The following NRXN1 variants were observed in gnomAD, a reference collection of about 807,000 sequenced individuals.
NRXN1 encodes the protein neurexin 1.
Under a neutral mutation model 150.9 loss-of-function variants are expected in NRXN1, and 39 were observed. The observed-to-expected ratio is 0.26, with a 90% confidence interval of 0.20 to 0.34. The LOEUF (loss-of-function observed/expected upper bound fraction) is 0.34. NRXN1 is among the 10% of genes least tolerant of loss of function. The pLI, the probability that NRXN1 is intolerant of heterozygous loss-of-function variation, is 1.00. For missense variants in NRXN1, 1,815 were observed against 1,949.9 expected, an observed-to-expected ratio of 0.93 and a Z score of 1.30; for synonymous variants, 924 against 757.0, an observed-to-expected ratio of 1.22 and a Z score of -3.62.
At chr2:49,943,173 G>A (rs1020892934) in intron 22 of NRXN1, among the ~76,000 whole-genome samples, 3 of 152,114 alleles carry the variant, frequency 2.0e-5, no homozygotes, top group Non-Finnish European at 4.4e-5. Context: ...GGGAAACATG[G>A]CAAGACTCAA....
intron 17 of NRXN1, among the ~76,000 whole-genome samples, chr2:50,371,917 A>G (rs1332653127): frequency 6.6e-6 from 1 of 152,044 alleles, no homozygotes; most frequent in African/African-American, 2.4e-5. Context: ...TTGATAACCA[A>G]CCACCTCTCA....
chr2:50,339,075 A>G (rs147486098), intron 17 of NRXN1, among the ~76,000 whole-genome samples: 1,627 of 152,268 alleles, frequency 0.011, 26 homozygotes, highest in African/African-American at 0.037. Flanking sequence ...TACATGTACC[A>G]TCGTTAGTCC....
At chr2:50,887,621 T>C (rs926006123) in intron 5 of NRXN1, among the ~76,000 whole-genome samples, 1 of 151,492 alleles carries the variant, frequency 6.6e-6, no homozygotes, top group African/African-American at 2.4e-5. Flanking sequence ...TGAGTCAAAA[T>C]GATGAGGCTG....
At chr2:50,689,059 G>C (rs1691677268) in intron 5 of NRXN1, among the ~76,000 whole-genome samples, 1 of 152,156 alleles carries the variant, frequency 6.6e-6, no homozygotes, top group African/African-American at 2.4e-5. Context: ...CTGGGAGCAT[G>C]AGTCAGGGGA....
intron 5 of NRXN1, among the ~76,000 whole-genome samples, chr2:50,666,491 C>CA (rs1400594220): frequency 3.3e-5 from 5 of 151,880 alleles, no homozygotes; most frequent in Admixed American, 6.6e-5. Context: ...GAGAACCTCA[C>CA]AAATTATTTT....
rs1382144458 is a variant in NRXN1 at position 51,003,865 on chromosome 2, T to G, written c.772+23637A>C. ...TGAAGTTTCAGCTTGTGAATAAAGTTGCCCTGGCTGATACTGATTATTTTC... is the reference window on the plus strand; with the variant it reads ...TGAAGTTTCAGCTTGTGAATAAAGTGGCCCTGGCTGATACTGATTATTTTC... On this transcript the variant is annotated intron_variant, in intron 2 of 22. Transcript: ENST00000401669. Among the ~76,000 whole-genome samples the G allele has an allele frequency of 2.0e-5, 3 of 152,110 alleles. No homozygotes were observed. In the East Asian group the frequency reaches 5.9e-4, roughly 30 times the overall value.
chr2:49,987,350 G>C (rs138845472), intron 21 of NRXN1, among the ~76,000 whole-genome samples: 26 of 152,136 alleles, frequency 1.7e-4, no homozygotes, highest in Non-Finnish European at 3.4e-4. Context: ...CCTAAGCCTT[G>C]GCCTCCCAAG....
At chr2:49,922,757 T>C (rs1366577603) in intron 22 of NRXN1, among the ~76,000 whole-genome samples, 3 of 152,234 alleles carry the variant, frequency 2.0e-5, no homozygotes, top group Admixed American at 6.5e-5. Flanking sequence ...AACAATAAGA[T>C]AATCCATACA....
chr2:50,740,503 A>T (rs11896120), intron 5 of NRXN1, among the ~76,000 whole-genome samples: 1,914 of 152,274 alleles, frequency 0.013, 35 homozygotes, highest in African/African-American at 0.043. Context: ...GAGTTGTCAA[A>T]CTACCTGAGC....
At chr2:50,285,714 G>C (rs377703837) in intron 17 of NRXN1, among the ~76,000 whole-genome samples, 3 of 152,100 alleles carry the variant, frequency 2.0e-5, no homozygotes, top group Non-Finnish European at 2.9e-5. Context: ...AAAGACAGCA[G>C]GTAGTAATTT....
intron 17 of NRXN1, among the ~76,000 whole-genome samples, chr2:50,427,541 G>A (rs1413176333): frequency 6.6e-6 from 1 of 152,156 alleles, no homozygotes; most frequent in Non-Finnish European, 1.5e-5. Flanking sequence ...TGTCATGTAA[G>A]GAGACATCCA....
chr2:50,844,716 G>C (rs1673380784), intron 5 of NRXN1, among the ~76,000 whole-genome samples: 2 of 152,126 alleles, frequency 1.3e-5, no homozygotes, highest in Non-Finnish European at 2.9e-5. Flanking sequence ...TTTTCGAATA[G>C]TCGGTTCGTC....
intron 17 of NRXN1, among the ~76,000 whole-genome samples, chr2:50,251,157 T>C (rs961391182): frequency 6.6e-6 from 1 of 151,714 alleles, no homozygotes; most frequent in Non-Finnish European, 1.5e-5. Flanking sequence ...CCACATGTGT[T>C]AGCATTCATC....
intron 21 of NRXN1, among the ~76,000 whole-genome samples, chr2:50,033,042 A>ATG (rs1689422252): frequency 1.3e-5 from 2 of 151,694 alleles, no homozygotes; most frequent in African/African-American, 2.4e-5. Flanking sequence ...ACATATATAT[A>ATG]TAATCTTATT....
At chr2:50,938,405 T>A (rs1457883535) in intron 2 of NRXN1, among the ~76,000 whole-genome samples, 4 of 152,174 alleles carry the variant, frequency 2.6e-5, no homozygotes, top group African/African-American at 9.7e-5. Flanking sequence ...AATATCACTA[T>A]CAGTATTTTT....
At chr2:50,541,581 A>T (rs2093390012) in intron 9 of NRXN1, among the ~76,000 whole-genome samples, 1 of 152,160 alleles carries the variant, frequency 6.6e-6, no homozygotes, top group African/African-American at 2.4e-5. Context: ...GTGCTTGATG[A>T]TATGGACAGG....
chr2:50,081,848 G>A (rs1019088830), intron 19 of NRXN1, among the ~76,000 whole-genome samples: 1 of 152,094 alleles, frequency 6.6e-6, no homozygotes, highest in Non-Finnish European at 1.5e-5. Context: ...AAAGTATTAC[G>A]AGAAAGGCTT....
At chr2:50,262,347 T>C (rs1315621797) in intron 17 of NRXN1, among the ~76,000 whole-genome samples, 1 of 151,864 alleles carries the variant, frequency 6.6e-6, no homozygotes, top group Non-Finnish European at 1.5e-5. Flanking sequence ...ATACCCTACA[T>C]GGCTGTTCTA....
At chr2:50,358,270 C>T (rs2078960822) in intron 17 of NRXN1, among the ~76,000 whole-genome samples, 1 of 152,194 alleles carries the variant, frequency 6.6e-6, no homozygotes, top group Non-Finnish European at 1.5e-5. Flanking sequence ...AGCCAGGAAG[C>T]CAAGTGGTCT....
Sources: gnomAD v4.1 joint callset for allele counts (sites outside exome capture counted in the v4.1 genomes callset) on GRCh38, gnomAD v4.1.1 for gene constraint, MANE v1.5 for transcripts, NCBI Gene and HGNC (gene_info 2026-07-23, HGNC 2026-07-21) for gene names.